Variants in IMPA2 observed in about 807,000 individuals in gnomAD.
The protein encoded by IMPA2 is IMP 2.
Under a neutral mutation model 35.1 loss-of-function variants are expected in IMPA2, and 32 were observed. The ratio of observed to expected loss-of-function variants is 0.91; its 90% CI spans 0.69 to 1.23. The LOEUF (loss-of-function observed/expected upper bound fraction) is 1.23. IMPA2 is among the 50% of genes most tolerant of loss of function. The pLI, the probability that IMPA2 is intolerant of heterozygous loss-of-function variation, is 0.00. For synonymous variants in IMPA2, 135 were observed against 160.6 expected, an observed-to-expected ratio of 0.84 and a Z score of 1.20; for missense variants, 334 against 387.6, an observed-to-expected ratio of 0.86 and a Z score of 1.16.
chr18:12,028,146 G>T lies in IMPA2; in HGVS notation c.594G>T (p.Ala198=), dbSNP rs775579203. The T allele has an allele frequency of 1.9e-6, 3 of 1,605,780 alleles. No individual in the cohort carries two copies. Among genetic ancestry groups the T allele is most frequent in the Admixed American group, 3.3e-5 (2 of 59,988 alleles). The change falls in exon 6 of 8, where the codon GCG becomes GCT. Residue 198 remains alanine, a synonymous_variant. Transcript: ENST00000269159. ...SNMERLLHAK[A]HGVRVIGSST... ...TGGAGCGGCTGCTGCATGCCAAGGC[G>T]CATGGGTAGGAGGTTCAGTTCGGGG...
intron 1 of IMPA2, among the ~76,000 whole-genome samples, chr18:11,982,574 C>A (rs1906535760): frequency 6.6e-6 from 1 of 152,146 alleles, no homozygotes; most frequent in Non-Finnish European, 1.5e-5. Context: ...GCGGGTGGAC[C>A]ACTTGAGGTC....
chr18:12,015,628 G>A (rs1907556915), intron 5 of IMPA2, among the ~76,000 whole-genome samples: 1 of 152,232 alleles, frequency 6.6e-6, no homozygotes, highest in African/African-American at 2.4e-5. Context: ...CCTCTGAGGG[G>A]CAACCAGCAG....
chr18:11,981,606 G>A lies in IMPA2; in HGVS notation c.-64G>A, dbSNP rs1483133570. 1.8e-6 allele frequency: 2 copies of A among 1,097,876 alleles called. No individual in the cohort carries two copies. Among genetic ancestry groups the A allele is most frequent in the Non-Finnish European group, 2.3e-6 (2 of 867,306 alleles). 68.0% of individuals were successfully genotyped at this position (1,097,876 alleles called of 1,614,324 possible). A position where few individuals can be genotyped will look rare whatever the true frequency, so the allele number is the denominator to read the frequency against. On this transcript the variant is annotated 5_prime_UTR_variant, in exon 1 of 8. Coordinates refer to ENST00000269159, the MANE Select transcript of IMPA2 (RefSeq NM_014214.3). ...GTGGAGCCTGGCGGCGGGACGGCGG[G>A]ATCCGGTGGGAGCCGGAGTCCCGCC... is the stretch of plus-strand genomic sequence containing the variant.
intron 1 of IMPA2, among the ~76,000 whole-genome samples, chr18:11,982,112 G>T (rs1906519194): frequency 6.6e-6 from 1 of 152,190 alleles, no homozygotes; most frequent in Non-Finnish European, 1.5e-5. Flanking sequence ...TTCAGCTCGC[G>T]GTAGGAAGCC....
At chr18:12,019,616 TG>T (rs546960585) in intron 5 of IMPA2, among the ~76,000 whole-genome samples, 291 of 152,166 alleles carry the variant, frequency 1.9e-3, no homozygotes, top group Middle Eastern at 6.8e-3. Flanking sequence ...CTAGTGGATT[TG>T]TTGGTACTCA....
intron 1 of IMPA2, among the ~76,000 whole-genome samples, chr18:11,989,362 C>T (rs985715589): frequency 2.0e-5 from 3 of 152,162 alleles, no homozygotes; most frequent in African/African-American, 7.2e-5. Flanking sequence ...GCTCCTGCCT[C>T]GCCTGGTCCA....
intron 2 of IMPA2, among the ~76,000 whole-genome samples, chr18:12,003,664 AG>A (rs375483779): frequency 0.099 from 7,061 of 71,082 alleles, 609 homozygotes; most frequent in African/African-American, 0.3. Flanking sequence ...AAAAAAAAAA[AG>A]AAAAGGAAAA....
intron 1 of IMPA2, among the ~76,000 whole-genome samples, chr18:11,983,883 A>C (rs1458617378): frequency 6.6e-6 from 1 of 152,148 alleles, no homozygotes; most frequent in African/African-American, 2.4e-5. Context: ...CATATCCTTT[A>C]GCCAGATGAC....
intron 7 of IMPA2, 76 bp downstream of exon 7, chr18:12,029,069 TC>T: frequency 9.0e-7 from 1 of 1,115,058 alleles, no homozygotes; most frequent in South Asian, 1.6e-5. Flanking sequence ...CTTCCTGAAG[TC>T]CCCACCAACT....
chr18:12,024,618 T>G (rs1907827933), intron 5 of IMPA2, among the ~76,000 whole-genome samples: 1 of 152,174 alleles, frequency 6.6e-6, no homozygotes, highest in Admixed American at 6.5e-5. Flanking sequence ...TCTGGGACAA[T>G]TCATTCTTCC....
rs202132842 is a variant in IMPA2 at position 12,022,528 on chromosome 18, A to AATATATAT, written c.491-5494_491-5487dup. On this transcript the variant is annotated intron_variant, in intron 5 of 7. Coordinates refer to ENST00000269159, the MANE Select transcript of IMPA2 (RefSeq NM_014214.3). ...CAGAATGGGGCTCCATCTCAAAAAG[A>AATATATAT]ATATATATATATATATATATATATA... 3.0e-3 allele frequency among the ~76,000 whole-genome samples: 288 copies of AATATATAT among 96,784 alleles called. 4 individuals are homozygous for AATATATAT. The highest frequency in any genetic ancestry group is 0.012 in the African/African-American group (273 of 23,134). 63.5% of individuals were successfully genotyped at this position (96,784 alleles called of 152,430 possible).
rs1568034082 is a variant in IMPA2, at chr18:12,010,690, A to G, written c.335+703A>G. 1.3e-5 allele frequency among the ~76,000 whole-genome samples: 2 copies of G among 152,122 alleles called. No individual in the cohort carries two copies. Among genetic ancestry groups the G allele is most frequent in the Admixed American group, 1.3e-4 (2 of 15,276 alleles). On this transcript the variant is annotated intron_variant, in intron 3 of 7. Transcript: ENST00000269159. This position sits in a 1 kb window ranked among gnomAD's most constrained non-coding sequence, Gnocchi z 4.8. ...AGAACCCTGGAGAGATTCCCATTCC[A>G]TGGGCGGGTGGCTTGCAGCTCCTGC...
chr18:11,993,501 C>T (rs1333300859), intron 1 of IMPA2, among the ~76,000 whole-genome samples: 1 of 152,204 alleles, frequency 6.6e-6, no homozygotes, highest in Non-Finnish European at 1.5e-5. Context: ...GGGTGCATGT[C>T]GCTGGCATCA....
At chr18:11,989,285 T>G (rs1257946119) in intron 1 of IMPA2, among the ~76,000 whole-genome samples, 1 of 152,200 alleles carries the variant, frequency 6.6e-6, no homozygotes, top group Admixed American at 6.5e-5. Context: ...CTGCCTGGGC[T>G]GAGCGCACCT....
At chr18:12,004,898 G>C (rs1379589898) in intron 2 of IMPA2, among the ~76,000 whole-genome samples, 1 of 152,170 alleles carries the variant, frequency 6.6e-6, no homozygotes, top group African/African-American at 2.4e-5. Flanking sequence ...TCTGTCTACA[G>C]TCATGTCTGC....
At chr18:12,026,034 A>ATTTTT in intron 5 of IMPA2, among the ~76,000 whole-genome samples, 1 of 109,864 alleles carries the variant, frequency 9.1e-6, no homozygotes, top group African/African-American at 3.3e-5. Flanking sequence ...TCAAAAGAGC[A>ATTTTT]TTTTTTTTTT....
At chr18:12,024,695 C>T (rs1907830463) in intron 5 of IMPA2, among the ~76,000 whole-genome samples, 1 of 151,948 alleles carries the variant, frequency 6.6e-6, no homozygotes, top group African/African-American at 2.4e-5. Flanking sequence ...CCCTTCTTTC[C>T]TTTTCCTCCC....
Position 11,984,336 on chromosome 18 carries a change from T to G in IMPA2, c.96+2571T>G, listed in dbSNP as rs182901925. Among the ~76,000 whole-genome samples, 1,103 of 152,302 alleles carry G rather than the reference T, an allele frequency of 7.2e-3. 4 individuals are homozygous for G. Among genetic ancestry groups the G allele is most frequent in the Middle Eastern group, 0.024 (7 of 294 alleles). On this transcript the variant is annotated intron_variant, in intron 1 of 7. Transcript: ENST00000269159. ...CACCCACACTGTGACGGGAGCCTCCTCCCTGGCTGTTGGGCTTTTGGGGAG... is the reference window on the plus strand; with the variant it reads ...CACCCACACTGTGACGGGAGCCTCCGCCCTGGCTGTTGGGCTTTTGGGGAG...
intron 1 of IMPA2, among the ~76,000 whole-genome samples, chr18:11,995,863 T>G (rs909762088): frequency 6.6e-6 from 1 of 152,188 alleles, no homozygotes; most frequent in African/African-American, 2.4e-5. Context: ...AATGTGTGTT[T>G]TATTCATTCT....
Sources: allele counts gnomAD v4.1 joint callset (sites outside exome capture counted in the v4.1 genomes callset), GRCh38; gene constraint gnomAD v4.1.1; non-coding constraint Gnocchi (gnomAD v3.1); transcripts MANE v1.5; gene names NCBI Gene and HGNC (gene_info 2026-07-23, HGNC 2026-07-21).